The following SPOCK3 variants were observed in gnomAD, a reference collection of about 807,000 sequenced individuals.
The protein encoded by SPOCK3 is SPARC (osteonectin), cwcv and kazal like domains proteoglycan 3, also known as testican-3.
In SPOCK3, 30 loss-of-function variants were observed where a neutral mutation model predicts 56.6. The ratio of observed to expected loss-of-function variants is 0.53; its 90% confidence interval spans 0.40 to 0.72. The LOEUF (loss-of-function observed/expected upper bound fraction) is 0.72, where lower values mean the gene tolerates loss of function less well. Among genes scored for constraint, SPOCK3 ranks in the 30% least tolerant of loss-of-function variants. The probability of loss-of-function intolerance (pLI) is 0.00; values close to 1 mark genes in which losing one functional copy is unlikely to be tolerated. For synonymous variants in SPOCK3, 196 were observed against 183.3 expected, an observed-to-expected ratio of 1.07 and a Z score of -0.56; for missense variants, 527 against 530.0, an observed-to-expected ratio of 0.99 and a Z score of 0.06.
intron 4 of SPOCK3, among the ~76,000 whole-genome samples, chr4:166,989,603 A>C (rs929085006): frequency 6.6e-6 from 1 of 152,142 alleles, no homozygotes; most frequent in Non-Finnish European, 1.5e-5. Context: ...TCCCCAGGAG[A>C]CAAGTTCTTC....
intron 6 of SPOCK3, among the ~76,000 whole-genome samples, chr4:166,831,485 G>A (rs1322262414): frequency 1.1e-4 from 16 of 151,916 alleles, no homozygotes; most frequent in South Asian, 2.1e-4. Flanking sequence ...AAAGATATAC[G>A]GCTATTCAAG....
intron 2 of SPOCK3, among the ~76,000 whole-genome samples, chr4:167,085,295 CCAAA>C (rs892298893): frequency 2.0e-5 from 3 of 151,876 alleles, no homozygotes; most frequent in South Asian, 2.1e-4. Context: ...AAAAAAATGC[CCAAA>C]CAGACTTTTT....
chr4:167,145,558 C>G (rs79731746), intron 2 of SPOCK3, among the ~76,000 whole-genome samples: 5 of 151,894 alleles, frequency 3.3e-5, no homozygotes, highest in African/African-American at 1.2e-4. Context: ...GAGATGGAGA[C>G]GCCAGTGAAG....
intron 2 of SPOCK3, among the ~76,000 whole-genome samples, chr4:167,095,292 C>A (rs1398131300): frequency 2.6e-5 from 4 of 152,070 alleles, no homozygotes; most frequent in Non-Finnish European, 5.9e-5. Flanking sequence ...ATCTACATAA[C>A]TTTCACTTCT....
chr4:167,219,323 C>T (rs1735669871), intron 2 of SPOCK3, among the ~76,000 whole-genome samples: 5 of 152,096 alleles, frequency 3.3e-5, no homozygotes, highest in Admixed American at 3.3e-4. Flanking sequence ...TACCATGTGC[C>T]AAGGCAATTA....
intron 6 of SPOCK3, among the ~76,000 whole-genome samples, chr4:166,857,028 T>C (rs1332671400): frequency 6.6e-6 from 1 of 152,174 alleles, no homozygotes; most frequent in Admixed American, 6.5e-5. Context: ...CAAGGCATCA[T>C]ATCATCTGAA....
chr4:166,822,911 T>C (rs1745077885), intron 6 of SPOCK3, among the ~76,000 whole-genome samples: 1 of 152,050 alleles, frequency 6.6e-6, no homozygotes, highest in Non-Finnish European at 1.5e-5. Context: ...ATTTTTTCTT[T>C]TGCTGTTTAT....
At chr4:167,041,767 A>G (rs1377504176) in intron 3 of SPOCK3, among the ~76,000 whole-genome samples, 1 of 152,156 alleles carries the variant, frequency 6.6e-6, no homozygotes, top group Non-Finnish European at 1.5e-5. Flanking sequence ...TGCTGCCACC[A>G]CAAAGAAATG....
At chr4:166,900,547 C>A (rs545258232) in intron 5 of SPOCK3, among the ~76,000 whole-genome samples, 1 of 152,146 alleles carries the variant, frequency 6.6e-6, no homozygotes, top group Non-Finnish European at 1.5e-5. Context: ...GAGAATTTCT[C>A]TTTACTTTCC....
chr4:166,967,121 C>T lies in SPOCK3; in HGVS notation c.350+33228G>A, dbSNP rs192605649. 3.5e-4 allele frequency among the ~76,000 whole-genome samples: 53 copies of T among 152,142 alleles called. 1 individual carries two copies. The South Asian group carries it at 8.5e-3, about 24-fold the overall frequency. ...AGTACTTCCTCCAAGTAGTTAGTTC[C>T]CTGATCTTTATCAACCTGATCTGCA... On this transcript the variant is annotated intron_variant, in intron 4 of 10. Coordinates refer to ENST00000357545, the MANE Select transcript of SPOCK3 (RefSeq NM_001040159.2).
At chr4:167,160,678 G>C (rs1303402441) in intron 2 of SPOCK3, among the ~76,000 whole-genome samples, 1 of 152,074 alleles carries the variant, frequency 6.6e-6, no homozygotes, top group African/African-American at 2.4e-5. Context: ...GCATGATACT[G>C]GTACCAAAGC....
intron 6 of SPOCK3, among the ~76,000 whole-genome samples, chr4:166,885,620 C>T (rs1734108378): frequency 6.6e-6 from 1 of 152,000 alleles, no homozygotes; most frequent in South Asian, 2.1e-4. Context: ...TCACCTGTTA[C>T]TTTTTAAAAT....
chr4:166,823,452 G>A (rs2126768602), intron 6 of SPOCK3, among the ~76,000 whole-genome samples: 1 of 152,124 alleles, frequency 6.6e-6, no homozygotes, highest in South Asian at 2.1e-4. Context: ...TGAGATTTAG[G>A]TATTGTCTTA....
chr4:166,923,762 A>G (rs1235399352), intron 4 of SPOCK3, among the ~76,000 whole-genome samples: 1 of 152,190 alleles, frequency 6.6e-6, no homozygotes, highest in African/African-American at 2.4e-5. Context: ...ATTTAAATTC[A>G]TCTAATTTCC....
intron 4 of SPOCK3, among the ~76,000 whole-genome samples, chr4:166,929,790 A>G (rs189323833): frequency 6.6e-6 from 1 of 152,210 alleles, no homozygotes; most frequent in Admixed American, 6.5e-5. Context: ...CCCACACCCT[A>G]CTTAGCTTGA....
chr4:166,916,393 T>A (rs1737854042), intron 4 of SPOCK3, among the ~76,000 whole-genome samples: 1 of 152,172 alleles, frequency 6.6e-6, no homozygotes. Context: ...TTATCTTGTA[T>A]TCATGATTTA....
At chr4:166,835,625 T>C (rs954298492) in intron 6 of SPOCK3, among the ~76,000 whole-genome samples, 3 of 152,186 alleles carry the variant, frequency 2.0e-5, no homozygotes, top group African/African-American at 7.2e-5. Context: ...GGCTATACGT[T>C]TGTGGGTTCT....
rs143645492 is a variant in SPOCK3, at chr4:167,024,707, G to A, written c.236-24244C>T. Reference sequence around the variant, plus strand: ...CTTTGGGGACTTGGCGGGAAGGGTGGGAGGTGGGCAAGGGATAAAAGACTA... The same window carrying A: ...CTTTGGGGACTTGGCGGGAAGGGTGAGAGGTGGGCAAGGGATAAAAGACTA... On this transcript the variant is annotated intron_variant, in intron 3 of 10. Coordinates refer to ENST00000357545, the MANE Select transcript of SPOCK3 (RefSeq NM_001040159.2). Among the ~76,000 whole-genome samples, 14 of 152,140 alleles carry A rather than the reference G, an allele frequency of 9.2e-5. No individual in the cohort carries two copies. The East Asian group carries it at 2.5e-3, about 27-fold the overall frequency.
At chr4:167,114,218 A>G (rs1761147619) in intron 2 of SPOCK3, among the ~76,000 whole-genome samples, 1 of 152,176 alleles carries the variant, frequency 6.6e-6, no homozygotes, top group African/African-American at 2.4e-5. Flanking sequence ...TCGGAGAGCT[A>G]GCAAGTGAGT....
Sources: allele counts gnomAD v4.1 joint callset (sites outside exome capture counted in the v4.1 genomes callset), GRCh38; gene constraint gnomAD v4.1.1; transcripts MANE v1.5; gene names NCBI Gene and HGNC (gene_info 2026-07-23, HGNC 2026-07-21).